Variants in CD2AP observed in about 807,000 individuals in gnomAD.
CD2AP encodes the protein CD2-associated protein.
A neutral mutation model predicts 85.1 loss-of-function variants in CD2AP; 46 were observed. The ratio of observed to expected loss-of-function variants is 0.54; its 90% CI spans 0.43 to 0.69. The LOEUF is 0.69. CD2AP is among the 30% of genes least tolerant of loss of function. The pLI, the probability that CD2AP is intolerant of heterozygous loss-of-function variation, is 0.00. For synonymous variants in CD2AP, 255 were observed against 252.9 expected, an observed-to-expected ratio of 1.01 and a Z score of -0.08; for missense variants, 769 against 729.5, an observed-to-expected ratio of 1.05 and a Z score of -0.62.
chr6:47,549,032 T>C (rs113091535), intron 4 of CD2AP, among the ~76,000 whole-genome samples: 295 of 152,160 alleles, frequency 1.9e-3, no homozygotes, highest in African/African-American at 6.9e-3. Flanking sequence ...CTCAGCAAAA[T>C]TGGCATATAA....
At chr6:47,543,397 C>A (rs532915880) in intron 3 of CD2AP, among the ~76,000 whole-genome samples, 1 of 152,236 alleles carries the variant, frequency 6.6e-6, no homozygotes, top group South Asian at 2.1e-4. Context: ...ACCTAGGGAT[C>A]TTGTTAAAGT....
chr6:47,532,409 ACACACACACAC>A (rs1305102568), intron 2 of CD2AP, among the ~76,000 whole-genome samples: 103 of 87,162 alleles, frequency 1.2e-3, no homozygotes, highest in African/African-American at 3.9e-3. Flanking sequence ...ACACACACAC[ACACACACACAC>A]AATACTTGCC....
intron 1 of CD2AP, among the ~76,000 whole-genome samples, chr6:47,494,548 A>T (rs533892852): frequency 1.1e-4 from 17 of 152,194 alleles, no homozygotes; most frequent in African/African-American, 3.6e-4. Flanking sequence ...CTTGGAGTGT[A>T]GGCCTTTGTT....
intron 8 of CD2AP, among the ~76,000 whole-genome samples, chr6:47,577,853 C>T (rs1244948912): frequency 6.6e-6 from 1 of 152,058 alleles, no homozygotes; most frequent in Non-Finnish European, 1.5e-5. Context: ...GCCGAGATTA[C>T]AGGTGTGAGC....
Position 47,578,032 on chromosome 6 carries a change from A to T in CD2AP, c.903+929A>T, listed in dbSNP as rs181512656. ...CAAATTGACATCTGTCATCTCACATAGTTACCTTTTTTGTTTTAGTGGCAA... is the reference window on the plus strand; with the variant it reads ...CAAATTGACATCTGTCATCTCACATTGTTACCTTTTTTGTTTTAGTGGCAA... On this transcript the variant is annotated intron_variant, in intron 8 of 17. Coordinates refer to ENST00000359314, the MANE Select transcript of CD2AP (RefSeq NM_012120.3). Among the ~76,000 whole-genome samples, 796 of 133,436 alleles carry T rather than the reference A, an allele frequency of 6.0e-3. 4 individuals carry two copies. The highest frequency in any genetic ancestry group is 0.011 in the Non-Finnish European group (596 of 56,742). 87.5% of individuals were successfully genotyped at this position (133,436 alleles called of 152,430 possible). A position where few individuals can be genotyped will look rare whatever the true frequency, so the allele number is the denominator to read the frequency against.
Position 47,609,096 on chromosome 6 carries a change from T to C in CD2AP, c.1633-27T>C, listed in dbSNP as rs373623749. Reference sequence around the variant, plus strand: ...AACGTAAATATAATATTAAATAAAATCAGAAATTTTTTTTTTACGTTTTCA... The same window carrying C: ...AACGTAAATATAATATTAAATAAAACCAGAAATTTTTTTTTTACGTTTTCA... On this transcript the variant is annotated intron_variant, in intron 15 of 17. Coordinates refer to ENST00000359314, the MANE Select transcript of CD2AP (RefSeq NM_012120.3). 3,225 of 1,541,136 alleles carry C rather than the reference T, an allele frequency of 2.1e-3. 97 individuals carry two copies. In the South Asian group the frequency reaches 0.031, roughly 15 times the overall value.
intron 2 of CD2AP, among the ~76,000 whole-genome samples, chr6:47,532,221 A>G (rs909098534): frequency 3.3e-5 from 5 of 152,034 alleles, no homozygotes; most frequent in Admixed American, 2.6e-4. Flanking sequence ...GCTCACTACC[A>G]TAATCCCAGT....
intron 15 of CD2AP, among the ~76,000 whole-genome samples, chr6:47,608,430 T>A (rs1309297771): frequency 6.6e-6 from 1 of 152,160 alleles, no homozygotes; most frequent in Non-Finnish European, 1.5e-5. Flanking sequence ...GATCCTTTCA[T>A]CTGTTACATG....
chr6:47,591,068 C>T (rs1013422950), intron 11 of CD2AP, among the ~76,000 whole-genome samples: 2 of 152,152 alleles, frequency 1.3e-5, no homozygotes, highest in South Asian at 4.1e-4. Context: ...AAATGTTCAA[C>T]AGCAAAAGAA....
intron 2 of CD2AP, among the ~76,000 whole-genome samples, chr6:47,510,623 A>G (rs1340259829): frequency 1.3e-5 from 2 of 152,210 alleles, no homozygotes; most frequent in African/African-American, 2.4e-5. Flanking sequence ...ATAAGTATAC[A>G]TGAGTCCATA....
chr6:47,573,173 C>T (rs868810476), intron 5 of CD2AP, among the ~76,000 whole-genome samples: 4 of 152,200 alleles, frequency 2.6e-5, no homozygotes, highest in African/African-American at 9.6e-5. Context: ...TGTTACTGAG[C>T]AAGAATGTAA....
At chr6:47,544,413 A>G (rs1217092298) in intron 3 of CD2AP, among the ~76,000 whole-genome samples, 193 bp from the exon 4 acceptor site, 1 of 152,150 alleles carries the variant, frequency 6.6e-6, no homozygotes, top group Non-Finnish European at 1.5e-5. Context: ...TATTGCCTGA[A>G]GCCTTAATAT....
At chr6:47,572,614 CT>C (rs1409326179) in intron 5 of CD2AP, among the ~76,000 whole-genome samples, 1 of 152,148 alleles carries the variant, frequency 6.6e-6, no homozygotes, top group African/African-American at 2.4e-5. Context: ...TGATTGGAGA[CT>C]TTTCTGGTCT....
intron 5 of CD2AP, among the ~76,000 whole-genome samples, chr6:47,555,562 A>T (rs1390170197): frequency 6.6e-6 from 1 of 152,190 alleles, no homozygotes; most frequent in Non-Finnish European, 1.5e-5. Context: ...TTTTGTTTTT[A>T]GAACCGGCTT....
At chr6:47,503,578 G>A in intron 2 of CD2AP, 138 bp downstream of exon 2, 9 of 767,346 alleles carry the variant, frequency 1.2e-5, no homozygotes, top group South Asian at 1.7e-5. Context: ...TAGAGTCCAG[G>A]TACCTCTATA....
At chr6:47,488,147 A>G (rs1257250220) in intron 1 of CD2AP, among the ~76,000 whole-genome samples, 2 of 151,710 alleles carry the variant, frequency 1.3e-5, no homozygotes, top group Non-Finnish European at 2.9e-5. Context: ...TGTCAGGTGA[A>G]TCTGCTGATT....
intron 4 of CD2AP, among the ~76,000 whole-genome samples, chr6:47,552,861 T>C (rs1034791487): frequency 6.6e-6 from 1 of 152,226 alleles, no homozygotes; most frequent in Non-Finnish European, 1.5e-5. Flanking sequence ...ACAGCTTGTA[T>C]TCTAGCACCC....
intron 2 of CD2AP, among the ~76,000 whole-genome samples, chr6:47,522,025 A>G (rs965413579): frequency 6.6e-6 from 1 of 151,992 alleles, no homozygotes; most frequent in Non-Finnish European, 1.5e-5. Context: ...CAAAAAAAAA[A>G]AGAAAGAAAG....
At position 47,503,262 on chromosome 6, in the gene CD2AP, T is replaced by A; in HGVS notation, c.5-18T>A. On this transcript the variant is annotated intron_variant, in intron 1 of 17. Coordinates refer to ENST00000359314, the MANE Select transcript of CD2AP (RefSeq NM_012120.3). ...GTGAATTAGATTTTAGACATTTCGT[T>A]TTTTCCCCCTTTTTTAGTTGACTAT... is the stretch of plus-strand genomic sequence containing the variant. The A allele has an allele frequency of 6.2e-7, 1 of 1,611,908 alleles. No individual in the cohort carries two copies. The highest frequency in any genetic ancestry group is 1.1e-5 in the South Asian group (1 of 90,994).
Sources: gnomAD v4.1 joint callset for allele counts (sites outside exome capture counted in the v4.1 genomes callset) on GRCh38, gnomAD v4.1.1 for gene constraint, MANE v1.5 for transcripts, NCBI Gene and HGNC (gene_info 2026-07-23, HGNC 2026-07-21) for gene names.